STAT4: variants seen among roughly 807,000 people sequenced by gnomAD.
STAT4 encodes the protein signal transducer and activator of transcription 4.
STAT4 carries 42 observed loss-of-function variants against 110.5 expected under a neutral mutation model. That is an observed-to-expected ratio of 0.38 (90% CI 0.30 to 0.49). The LOEUF (loss-of-function observed/expected upper bound fraction) is 0.49, where lower values mean the gene tolerates loss of function less well. Among genes scored for constraint, STAT4 ranks in the 20% least tolerant of loss-of-function variants. The pLI is 0.95. For missense variants in STAT4, 632 were observed against 887.9 expected, an observed-to-expected ratio of 0.71 and a Z score of 3.66; for synonymous variants, 284 against 302.2, an observed-to-expected ratio of 0.94 and a Z score of 0.63.
At chr2:191,074,860 T>C (rs1046488256) in intron 4 of STAT4, among the ~76,000 whole-genome samples, 1 of 151,934 alleles carries the variant, frequency 6.6e-6, no homozygotes, top group Non-Finnish European at 1.5e-5. Context: ...TTTTTAAGAG[T>C]TAAATAACAG....
chr2:191,105,408 T>G lies in STAT4; in HGVS notation c.274-29083A>C, dbSNP rs144917210. ...GATGACACATACAGTATGCAACCTATGCATGTTTGCTTGTTCTTTTTAAAA... is the reference window on the plus strand; with the variant it reads ...GATGACACATACAGTATGCAACCTAGGCATGTTTGCTTGTTCTTTTTAAAA... On this transcript the variant is annotated intron_variant, in intron 3 of 23. Transcript: ENST00000392320. 5.3e-3 allele frequency among the ~76,000 whole-genome samples: 801 copies of G among 152,358 alleles called. 7 individuals are homozygous for G. Among genetic ancestry groups the G allele is most frequent in the African/African-American group, 0.018 (757 of 41,592 alleles).
Position 191,082,920 on chromosome 2 carries a change from A to G in STAT4, c.274-6595T>C, listed in dbSNP as rs1697526879. ...ATGTAAACACATTTGGAGGGTTAAT[A>G]CCACATTTAACAAATTTCTTCTGTA... On this transcript the variant is annotated intron_variant, in intron 3 of 23. Transcript: ENST00000392320. The surrounding 1 kb of genome is among the most constrained non-coding windows in gnomAD (Gnocchi z 4.7). 6.6e-6 allele frequency among the ~76,000 whole-genome samples: 1 copy of G among 152,146 alleles called. No individual in the cohort carries two copies. Among genetic ancestry groups the G allele is most frequent in the African/African-American group, 2.4e-5 (1 of 41,414 alleles).
rs1699370857 is a variant in STAT4 at position 191,142,814 on chromosome 2, T to G, written c.273+3799A>C. ...AGATCGGTAGTGTTCAGGGGCTCCGTGGGAAGCGAGAGAAGGATGAATATT... is the reference window on the plus strand; with the variant it reads ...AGATCGGTAGTGTTCAGGGGCTCCGGGGGAAGCGAGAGAAGGATGAATATT... On this transcript the variant is annotated intron_variant, in intron 3 of 23. Transcript: ENST00000392320. The surrounding 1 kb of genome is among the most constrained non-coding windows in gnomAD (Gnocchi z 4.1). 6.6e-6 allele frequency among the ~76,000 whole-genome samples: 1 copy of G among 151,956 alleles called. No individual in the cohort carries two copies. Among genetic ancestry groups the G allele is most frequent in the Non-Finnish European group, 1.5e-5 (1 of 67,998 alleles).
At chr2:191,151,293 G>T, upstream of STAT4, 1 of 985,664 alleles carries the variant, frequency 1.0e-6, no homozygotes, top group Admixed American at 6.1e-5. The surrounding 1 kb of genome is among the most constrained non-coding windows in gnomAD (Gnocchi z 4.7). Flanking sequence ...TTCTTCAGTG[G>T]TTTCCTTAGA....
intron 3 of STAT4, among the ~76,000 whole-genome samples, chr2:191,137,121 TCA>T (rs1386367445): frequency 6.6e-6 from 1 of 152,156 alleles, no homozygotes; most frequent in African/African-American, 2.4e-5. Context: ...GGTGGGCGGA[TCA>T]CCTGAGGTCA....
chr2:191,061,645 G>T lies in STAT4; in HGVS notation c.1034+84C>A. Reference sequence around the variant, plus strand: ...TTCAATAAAGAACAGCTGAATGCAAGCCACAATGAGAGAAATTGGCCTTGA... The same window carrying T: ...TTCAATAAAGAACAGCTGAATGCAATCCACAATGAGAGAAATTGGCCTTGA... On this transcript the variant is annotated intron_variant, in intron 10 of 23. Coordinates refer to ENST00000392320, the MANE Select transcript of STAT4 (RefSeq NM_003151.4). This position sits in a 1 kb window ranked among gnomAD's most constrained non-coding sequence, Gnocchi z 6.2. 7.9e-7 allele frequency: 1 copy of T among 1,269,114 alleles called. No individual in the cohort carries two copies. Among genetic ancestry groups the T allele is most frequent in the Non-Finnish European group, 1.2e-6 (1 of 867,488 alleles). The allele number at this position is 1,269,114 out of a possible 1,614,324, so 78.6% of individuals were successfully genotyped here.
intron 13 of STAT4, among the ~76,000 whole-genome samples, chr2:191,057,664 T>C (rs1048932787): frequency 1.3e-5 from 2 of 150,414 alleles, no homozygotes; most frequent in African/African-American, 4.9e-5. Context: ...ACTGGCACGA[T>C]CTCAGCTCAC....
intron 16 of STAT4, among the ~76,000 whole-genome samples, chr2:191,038,935 C>T (rs755570184): frequency 5.3e-5 from 8 of 152,126 alleles, no homozygotes; most frequent in East Asian, 3.9e-4. Flanking sequence ...CTCTCTGGTA[C>T]GCACATAGTT....
At chr2:191,096,571 C>G (rs9664190) in intron 3 of STAT4, among the ~76,000 whole-genome samples, 1 of 152,092 alleles carries the variant, frequency 6.6e-6, no homozygotes, top group South Asian at 2.1e-4. Flanking sequence ...ATTCCACAGC[C>G]CTTCATGTGA....
chr2:191,071,452 G>A (rs1057462065), intron 5 of STAT4, among the ~76,000 whole-genome samples: 2 of 152,150 alleles, frequency 1.3e-5, no homozygotes, highest in South Asian at 2.1e-4. Context: ...ATATACTGTG[G>A]TTCCATCTTT....
rs1032431715 is a variant in STAT4 at position 191,082,152 on chromosome 2, A to G, written c.274-5827T>C. Among the ~76,000 whole-genome samples, 4 of 152,212 alleles carry G rather than the reference A, an allele frequency of 2.6e-5. No homozygotes were observed. The highest frequency in any genetic ancestry group is 9.6e-5 in the African/African-American group (4 of 41,452). ...TTTGCATTAATTTCAGTAACAAAATATAATACAACTTTATCTACTTGTGAG... is the reference window on the plus strand; with the variant it reads ...TTTGCATTAATTTCAGTAACAAAATGTAATACAACTTTATCTACTTGTGAG... On this transcript the variant is annotated intron_variant, in intron 3 of 23. Coordinates refer to ENST00000392320, the MANE Select transcript of STAT4 (RefSeq NM_003151.4). The surrounding 1 kb of genome is among the most constrained non-coding windows in gnomAD (Gnocchi z 4.7).
chr2:191,069,909 C>A, intron 5 of STAT4, 138 bp from the exon 6 acceptor site: 1 of 604,066 alleles, frequency 1.7e-6, no homozygotes, highest in Non-Finnish European at 2.9e-6. Context: ...ACGCACGCTT[C>A]TAAAGAGCTA....
At chr2:191,070,500 GA>G (rs771013013) in intron 5 of STAT4, among the ~76,000 whole-genome samples, 121 of 152,166 alleles carry the variant, frequency 8.0e-4, no homozygotes, top group Non-Finnish European at 1.4e-3. Flanking sequence ...AAGTCTGTGG[GA>G]AGTCCAGCAG....
intron 3 of STAT4, among the ~76,000 whole-genome samples, chr2:191,114,627 A>G (rs1304845582): frequency 6.6e-6 from 1 of 152,162 alleles, no homozygotes; most frequent in Admixed American, 6.5e-5. Flanking sequence ...AAGTGACAAC[A>G]CCATCATGAC....
At chr2:191,087,245 A>T (rs1281130821) in intron 3 of STAT4, among the ~76,000 whole-genome samples, 1 of 152,146 alleles carries the variant, frequency 6.6e-6, no homozygotes, top group Admixed American at 6.6e-5. Flanking sequence ...CTTTCACTCC[A>T]TTGTCTGTCT....
intron 3 of STAT4, among the ~76,000 whole-genome samples, chr2:191,124,327 T>C (rs939261084): frequency 3.3e-5 from 5 of 151,730 alleles, no homozygotes; most frequent in African/African-American, 7.3e-5. Context: ...TGCTGGTGCA[T>C]GCCTGTAGTC....
At chr2:191,057,380 T>C (rs1457916835) in intron 13 of STAT4, among the ~76,000 whole-genome samples, 1 of 152,188 alleles carries the variant, frequency 6.6e-6, no homozygotes, top group East Asian at 1.9e-4. Flanking sequence ...TATTCCATTG[T>C]GTAACACCTC....
At position 191,110,210 on chromosome 2, in the gene STAT4, CA is replaced by C. The variant is rs1698388291; in HGVS notation, c.274-33886del. On this transcript the variant is annotated intron_variant, in intron 3 of 23. Transcript: ENST00000392320. The surrounding 1 kb of genome is among the most constrained non-coding windows in gnomAD (Gnocchi z 4.5). The stretch of plus-strand genomic sequence containing the variant: ...CACAAACATAGATTTGTGTTGATGT[CA>C]GTGCTAAGAAGAAAAGGTCTTCTTC... 3.9e-5 allele frequency among the ~76,000 whole-genome samples: 6 copies of C among 152,112 alleles called. No homozygotes were observed. Among genetic ancestry groups the C allele is most frequent in the Admixed American group, 3.9e-4 (6 of 15,282 alleles).
chr2:191,096,408 A>C (rs1697984256), intron 3 of STAT4, among the ~76,000 whole-genome samples: 1 of 152,156 alleles, frequency 6.6e-6, no homozygotes, highest in Admixed American at 6.6e-5. Flanking sequence ...GCACATCAAA[A>C]AGCTTATCCA....
Sources: allele counts gnomAD v4.1 joint callset (sites outside exome capture counted in the v4.1 genomes callset), GRCh38; gene constraint gnomAD v4.1.1; non-coding constraint Gnocchi (gnomAD v3.1); transcripts MANE v1.5; gene names NCBI Gene and HGNC (gene_info 2026-07-23, HGNC 2026-07-21).